HERC1: variants seen among roughly 807,000 people sequenced by gnomAD.
HERC1 encodes the protein probable E3 ubiquitin-protein ligase HERC1.
Under a neutral mutation model 554.3 loss-of-function variants are expected in HERC1, and 160 were observed. The ratio of observed to expected loss-of-function variants is 0.29; its 90% CI spans 0.25 to 0.33. The LOEUF (loss-of-function observed/expected upper bound fraction) is 0.33, where lower values mean the gene tolerates loss of function less well. HERC1 is among the 10% of genes least tolerant of loss of function. The pLI, the probability that HERC1 is intolerant of heterozygous loss-of-function variation, is 1.00. For missense variants in HERC1, 4,919 were observed against 5,918.5 expected (o/e 0.83, Z 5.54); for synonymous variants, 2,175 against 2,131.7 (o/e 1.02, Z -0.56).
At chr15:63,656,063 G>C in intron 49 of HERC1, 25 bp downstream of exon 49, 1 of 1,606,932 alleles carries the variant, frequency 6.2e-7, no homozygotes, top group Non-Finnish European at 8.5e-7. Flanking sequence ...CAATGTAACG[G>C]GGAAAAGTAC....
intron 48 of HERC1, among the ~76,000 whole-genome samples, chr15:63,657,606 T>C (rs563395602): frequency 2.5e-4 from 38 of 152,302 alleles, no homozygotes; most frequent in Non-Finnish European, 4.3e-4. Context: ...CAAATCACTT[T>C]TGCTAAACAG....
intron 62 of HERC1, 49 bp from the exon 63 acceptor site, chr15:63,638,585 C>A: frequency 6.2e-7 from 1 of 1,612,846 alleles, no homozygotes; most frequent in Non-Finnish European, 8.5e-7. Context: ...TTCACTCAAA[C>A]AGCCATGTAC....
intron 34 of HERC1, among the ~76,000 whole-genome samples, chr15:63,684,228 A>G (rs1368685696): frequency 1.3e-5 from 2 of 152,202 alleles, no homozygotes; most frequent in Admixed American, 1.3e-4. Flanking sequence ...GCAACAAGGG[A>G]CTGATCAATT....
intron 1 of HERC1, among the ~76,000 whole-genome samples, chr15:63,820,072 TAC>T (rs2077633263): frequency 6.6e-6 from 1 of 152,216 alleles, no homozygotes; most frequent in South Asian, 2.1e-4. Flanking sequence ...AATGTATATA[TAC>T]TTCAAAACTT....
intron 38 of HERC1, among the ~76,000 whole-genome samples, 169 bp from the exon 39 acceptor site, chr15:63,672,863 C>A (rs1329443994): frequency 6.6e-6 from 1 of 152,170 alleles, no homozygotes; most frequent in Non-Finnish European, 1.5e-5. Flanking sequence ...TTATATACAT[C>A]TTTGTATTCA....
At chr15:63,829,561 G>GTGTGTGTGTATATATATA (rs1220043639) in intron 1 of HERC1, among the ~76,000 whole-genome samples, 7 of 81,726 alleles carry the variant, frequency 8.6e-5, no homozygotes, top group Admixed American at 2.9e-4. Flanking sequence ...GTGTGTGTGT[G>GTGTGTGTGTATATATATA]TATATATATA....
chr15:63,658,618 C>G lies in HERC1; in HGVS notation c.9525G>C (p.Arg3175Ser). Residue 3175 changes from arginine (R) to serine (S), a missense_variant, in exon 48 of 78, where the codon AGG (arginine) becomes AGC (serine). Physicochemically the swap from Arg to Ser is moderately radical, Grantham distance 110. Around this residue, in one of 11 missense-constraint regions of HERC1, gnomAD observed 1,963 missense variants for 2,228.6 expected, o/e 0.88. Transcript: ENST00000443617. ...GAACCTGAGCAGCAGCAGTCACTCT[C>G]CTTAAAGCCACCACACGGTCATGAG... is the stretch of plus-strand genomic sequence containing the variant. Reference protein sequence around the residue: ...ANPHDRVVALRRVTAAAQVLL... With the variant: ...ANPHDRVVALSRVTAAAQVLL... The G allele has an allele frequency of 6.2e-7, 1 of 1,613,974 alleles. No homozygotes were observed. The highest frequency in any genetic ancestry group is 1.1e-5 in the South Asian group (1 of 91,076).
At chr15:63,752,013 C>T (rs1413019317) in intron 8 of HERC1, among the ~76,000 whole-genome samples, 1 of 152,036 alleles carries the variant, frequency 6.6e-6, no homozygotes, top group African/African-American at 2.4e-5. Context: ...TGTTATTTGC[C>T]TGTGTGTATA....
At chr15:63,721,923 C>T (rs1469534394) in intron 19 of HERC1, among the ~76,000 whole-genome samples, 1 of 152,190 alleles carries the variant, frequency 6.6e-6, no homozygotes, top group African/African-American at 2.4e-5. Context: ...TGCAGTGGTG[C>T]AATCTTGACT....
intron 1 of HERC1, among the ~76,000 whole-genome samples, chr15:63,831,249 G>A (rs1314099062): frequency 6.6e-6 from 1 of 152,076 alleles, no homozygotes; most frequent in Non-Finnish European, 1.5e-5. Context: ...AGGAATTGCA[G>A]GTATGCACCA....
chr15:63,786,821 G>A (rs750687610), intron 1 of HERC1, among the ~76,000 whole-genome samples: 11 of 152,222 alleles, frequency 7.2e-5, no homozygotes, highest in Non-Finnish European at 1.3e-4. Flanking sequence ...AACTAGAGAC[G>A]GTAGTTGCAC....
intron 24 of HERC1, among the ~76,000 whole-genome samples, chr15:63,710,061 G>A (rs1035543369): frequency 6.6e-6 from 1 of 152,206 alleles, no homozygotes; most frequent in Non-Finnish European, 1.5e-5. Context: ...AACTACTATG[G>A]CAAAAATGCA....
intron 51 of HERC1, among the ~76,000 whole-genome samples, chr15:63,653,859 T>C (rs1026390434): frequency 7.2e-5 from 11 of 152,186 alleles, no homozygotes; most frequent in Non-Finnish European, 1.6e-4. Context: ...GTCTTCATCT[T>C]TTGTGAAGCT....
In HERC1 at chr15:63,612,318, C is replaced by A; in HGVS notation, c.14333G>T (p.Gly4778Val). Residue 4778 changes from glycine to valine, a missense_variant, in exon 77 of 78, where the codon GGA becomes GTA. By Grantham distance (109) the Gly-to-Val change is moderately radical (BLOSUM62 -3). Transcript: ENST00000443617. The surrounding 1 kb of genome is among the most constrained non-coding windows in gnomAD (Gnocchi z 5.0). The part of the protein sequence containing the change: ...ERVLFMRFVS[G>V]RSRLPANTAD... ...AGTGTTGGCTGGTAGTCGAGATCTTCCTGACACAAACCTCATGAAAAGCAC... is the reference window on the plus strand; with the variant it reads ...AGTGTTGGCTGGTAGTCGAGATCTTACTGACACAAACCTCATGAAAAGCAC... 6.2e-7 allele frequency: 1 copy of A among 1,613,948 alleles called. No individual in the cohort carries two copies. Among genetic ancestry groups the A allele is most frequent in the East Asian group, 2.2e-5 (1 of 44,872 alleles).
In HERC1 at chr15:63,831,875, C is replaced by A. The variant is rs367739179; in HGVS notation, c.-27+1952G>T. Among the ~76,000 whole-genome samples, 17 of 152,252 alleles carry A rather than the reference C, an allele frequency of 1.1e-4. No individual in the cohort carries two copies. The East Asian group carries it at 2.9e-3, about 26-fold the overall frequency. On this transcript the variant is annotated intron_variant, in intron 1 of 77. Coordinates refer to ENST00000443617, the MANE Select transcript of HERC1 (RefSeq NM_003922.4). ...ATTTACATTTGCTTTCTCTTCCATG[C>A]AACATCAGGGTGCCTGCATTGGAAA...
chr15:63,713,572 T>A lies in HERC1; in HGVS notation c.4244A>T (p.Asp1415Val). ...NSGAGSGARA[D>V]DPPPQSQQER... is the part of the protein sequence containing the mutation. ...TTGCTGAGACTGAGGAGGTGGATCA[T>A]CAGCTCGAGCCCCAGACCCTGCCCC... The change falls in exon 23 of 78, where the codon GAT (aspartate) becomes GTT (valine). Residue 1415 changes from aspartate (D) to valine (V), a missense_variant. Transcript: ENST00000443617. 1 of 1,613,920 alleles carries A rather than the reference T, an allele frequency of 6.2e-7. No homozygotes were observed.
intron 33 of HERC1, among the ~76,000 whole-genome samples, chr15:63,687,847 G>A (rs2071865776): frequency 6.6e-6 from 1 of 152,184 alleles, no homozygotes; most frequent in Non-Finnish European, 1.5e-5. Context: ...AAATTTCTAA[G>A]AAACATATCT....
chr15:63,762,072 G>T (rs867854197), intron 3 of HERC1, among the ~76,000 whole-genome samples: 1 of 152,240 alleles, frequency 6.6e-6, no homozygotes, highest in South Asian at 2.1e-4. Context: ...AAAGAAACCA[G>T]GACTTTTTTC....
rs2069067293 is a variant in HERC1, at chr15:63,641,601, T to G, written c.11476A>C (p.Asn3826His). 3 of 1,586,720 alleles carry G rather than the reference T, an allele frequency of 1.9e-6. No individual in the cohort carries two copies. The highest frequency in any genetic ancestry group is 2.6e-6 in the Non-Finnish European group (3 of 1,164,832). Residue 3826 changes from asparagine (N) to histidine (H), a missense_variant, in exon 60 of 78, where the codon AAT (asparagine) becomes CAT (histidine). Asn to His is a moderately conservative substitution (Grantham distance 68, BLOSUM62 1). This residue lies in a region of HERC1 where 1,963 missense variants were observed against 2,228.6 expected (regional missense o/e 0.88). Transcript: ENST00000443617. Reference sequence around the variant, plus strand: ...GTCCTACAGGTTGCCAAAACATGATTGGCAGCTGCCCATTCTGCTGTACAA... The same window carrying G: ...GTCCTACAGGTTGCCAAAACATGATGGGCAGCTGCCCATTCTGCTGTACAA... ...VNCTAEWAAA[N>H]HVLATCRTAL...
Sources: gnomAD v4.1 joint callset for allele counts (sites outside exome capture counted in the v4.1 genomes callset) on GRCh38, gnomAD v4.1.1 for gene constraint, gnomAD v4.1.1 regional missense constraint, Gnocchi (gnomAD v3.1) non-coding constraint, MANE v1.5 for transcripts, NCBI Gene and HGNC (gene_info 2026-07-23, HGNC 2026-07-21) for gene names.